Variants in CAP2 observed in about 807,000 individuals in gnomAD.
CAP2 encodes the protein cyclase associated actin cytoskeleton regulatory protein 2, also known as adenylyl cyclase-associated protein 2.
Under a neutral mutation model 57.7 loss-of-function variants are expected in CAP2, and 24 were observed. That is an observed-to-expected ratio of 0.42 (90% confidence interval 0.30 to 0.58). The LOEUF (loss-of-function observed/expected upper bound fraction) is 0.58. Ranked by LOEUF, CAP2 falls within the 20% of genes least tolerant of loss-of-function variation. The probability of loss-of-function intolerance (pLI) is 0.22; values close to 1 mark genes in which losing one functional copy is unlikely to be tolerated. For synonymous variants in CAP2, 194 were observed against 207.2 expected, an observed-to-expected ratio of 0.94 and a Z score of 0.55; for missense variants, 501 against 590.3, an observed-to-expected ratio of 0.85 and a Z score of 1.57.
chr6:17,444,236 A>G (rs564928904), intron 3 of CAP2, among the ~76,000 whole-genome samples: 1 of 152,338 alleles, frequency 6.6e-6, no homozygotes, highest in Admixed American at 6.5e-5. Flanking sequence ...AGTGAAAACA[A>G]GTATTTAAAT....
At chr6:17,486,281 C>A (rs78666840) in intron 4 of CAP2, among the ~76,000 whole-genome samples, 1 of 152,156 alleles carries the variant, frequency 6.6e-6, no homozygotes, top group African/African-American at 2.4e-5. Context: ...TAAGCTCAAG[C>A]AAATTTTCTC....
intron 8 of CAP2, 64 bp from the exon 9 acceptor site, chr6:17,540,909 C>A: frequency 6.8e-7 from 1 of 1,462,220 alleles, no homozygotes; most frequent in South Asian, 1.3e-5. Context: ...TCATGTTGAT[C>A]TAGCAAGTTA....
At chr6:17,514,342 G>A (rs967185211) in intron 7 of CAP2, among the ~76,000 whole-genome samples, 3 of 151,354 alleles carry the variant, frequency 2.0e-5, no homozygotes, top group Admixed American at 6.6e-5. Context: ...CAGCCTGGGC[G>A]ACAGAGCAAA....
intron 4 of CAP2, among the ~76,000 whole-genome samples, chr6:17,480,254 C>G (rs1177679080): frequency 2.0e-5 from 3 of 152,162 alleles, no homozygotes; most frequent in Admixed American, 6.5e-5. Flanking sequence ...ACTTCTCCCC[C>G]ACAGCAAATC....
intron 4 of CAP2, among the ~76,000 whole-genome samples, chr6:17,475,030 A>G (rs1460678306): frequency 6.6e-6 from 1 of 152,090 alleles, no homozygotes; most frequent in East Asian, 1.9e-4. Context: ...CCCCGTCTCT[A>G]CTAAAAATAC....
chr6:17,505,641 A>G (rs1761960800), intron 4 of CAP2, among the ~76,000 whole-genome samples: 1 of 152,222 alleles, frequency 6.6e-6, no homozygotes, highest in African/African-American at 2.4e-5. Flanking sequence ...AACAAGATTT[A>G]CTAAAATACT....
intron 12 of CAP2, among the ~76,000 whole-genome samples, chr6:17,555,574 T>C (rs763647160): frequency 1.8e-4 from 27 of 151,346 alleles, no homozygotes; most frequent in Non-Finnish European, 3.4e-4. Flanking sequence ...TTTATTTTAT[T>C]TTTTGGAGAT....
chr6:17,433,362 C>T (rs1759793050), intron 3 of CAP2, among the ~76,000 whole-genome samples: 1 of 152,214 alleles, frequency 6.6e-6, no homozygotes, highest in Admixed American at 6.5e-5. Flanking sequence ...CTCCACGTTT[C>T]TGTGCTTTCA....
Position 17,541,096 on chromosome 6 carries a change from C to A in CAP2, c.950C>A (p.Pro317His), listed in dbSNP as rs1377099992. 6.2e-7 allele frequency: 1 copy of A among 1,614,076 alleles called. No homozygotes were observed. Among genetic ancestry groups the A allele is most frequent in the East Asian group, 2.2e-5 (1 of 44,882 alleles). The change falls in exon 9 of 13, where the codon CCT becomes CAT. Residue 317 changes from proline to histidine, a missense_variant. Transcript: ENST00000229922. ...AGTCCCACATCTCCTAAATCTTATCCTTCTCAAAAACATGCCCCAGTGTTG... is the reference window on the plus strand; with the variant it reads ...AGTCCCACATCTCCTAAATCTTATCATTCTCAAAAACATGCCCCAGTGTTG... ...TPSPTSPKSYPSQKHAPVLEL... is the reference protein window; with the variant it reads ...TPSPTSPKSYHSQKHAPVLEL...
chr6:17,459,146 A>G (rs1380224843), intron 3 of CAP2, among the ~76,000 whole-genome samples: 1 of 152,176 alleles, frequency 6.6e-6, no homozygotes, highest in East Asian at 1.9e-4. Context: ...TGAATCAGAG[A>G]AATGATCTAA....
chr6:17,532,143 T>TC (rs957603078), intron 7 of CAP2, among the ~76,000 whole-genome samples: 3 of 124,124 alleles, frequency 2.4e-5, no homozygotes, highest in Non-Finnish European at 5.0e-5. Flanking sequence ...TCTTTTTTTT[T>TC]TTTTTTTTTT....
At chr6:17,411,439 T>A (rs1386981269) in intron 1 of CAP2, among the ~76,000 whole-genome samples, 2 of 152,248 alleles carry the variant, frequency 1.3e-5, no homozygotes, top group African/African-American at 2.4e-5. Context: ...TCCTTCATAT[T>A]CTCACCAGCA....
At chr6:17,518,633 T>A (rs1009549716) in intron 7 of CAP2, among the ~76,000 whole-genome samples, 4 of 151,996 alleles carry the variant, frequency 2.6e-5, no homozygotes, top group African/African-American at 7.3e-5. Context: ...ATTTTTTTTT[T>A]AATTTAATTT....
At chr6:17,526,032 T>C (rs1199172090) in intron 7 of CAP2, among the ~76,000 whole-genome samples, 1 of 152,148 alleles carries the variant, frequency 6.6e-6, no homozygotes, top group African/African-American at 2.4e-5. Context: ...ATCCACTGTA[T>C]TCATTTGTCA....
intron 1 of CAP2, among the ~76,000 whole-genome samples, chr6:17,402,497 T>G (rs535012907): frequency 2.0e-5 from 3 of 152,322 alleles, no homozygotes; most frequent in East Asian, 3.9e-4. Context: ...AAGGCCAGTC[T>G]AATCAAATAG....
chr6:17,472,531 A>G (rs565337120), intron 4 of CAP2, among the ~76,000 whole-genome samples: 1 of 152,356 alleles, frequency 6.6e-6, no homozygotes, highest in Admixed American at 6.5e-5. Context: ...GATTGCTTTT[A>G]TGTAAACAGC....
In CAP2 at chr6:17,541,068, C is replaced by T. The variant is rs769274106; in HGVS notation, c.922C>T (p.Pro308Ser). Residue 308 changes from proline (P) to serine (S), a missense_variant, in exon 9 of 13, where the codon CCA becomes TCA. Coordinates refer to ENST00000229922, the MANE Select transcript of CAP2 (RefSeq NM_006366.3). ...TCAATCTCCCACCAAAAGTCACACTCCAAGTCCCACATCTCCTAAATCTTA... is the reference window on the plus strand; with the variant it reads ...TCAATCTCCCACCAAAAGTCACACTTCAAGTCCCACATCTCCTAAATCTTA... ...QTQSPTKSHT[P>S]SPTSPKSYPS... is the part of the protein sequence containing the mutation. The T allele has an allele frequency of 1.9e-6, 3 of 1,614,116 alleles. No homozygotes were observed. Among genetic ancestry groups the T allele is most frequent in the South Asian group, 1.1e-5 (1 of 91,080 alleles).
At chr6:17,413,560 G>A (rs768254900) in intron 1 of CAP2, among the ~76,000 whole-genome samples, 3 of 152,108 alleles carry the variant, frequency 2.0e-5, no homozygotes, top group Non-Finnish European at 2.9e-5. Context: ...GTAGACAGTG[G>A]GAACTGACTG....
At chr6:17,406,010 G>A (rs1456541288) in intron 1 of CAP2, among the ~76,000 whole-genome samples, 3 of 152,076 alleles carry the variant, frequency 2.0e-5, no homozygotes, top group South Asian at 2.1e-4. Flanking sequence ...GAAAGTGCTG[G>A]GATTACAGGT....
Sources: gnomAD v4.1 joint callset for allele counts (sites outside exome capture counted in the v4.1 genomes callset) on GRCh38, gnomAD v4.1.1 for gene constraint, MANE v1.5 for transcripts, NCBI Gene and HGNC (gene_info 2026-07-23, HGNC 2026-07-21) for gene names.